Variants in CFAP20DC observed in about 807,000 individuals in gnomAD.
CFAP20DC encodes the protein protein CFAP20DC.
CFAP20DC carries 84 observed loss-of-function variants against 101.7 expected under a neutral mutation model. The ratio of observed to expected loss-of-function variants is 0.83; its 90% CI spans 0.69 to 0.99. The LOEUF (loss-of-function observed/expected upper bound fraction) is 0.99. Ranked by LOEUF, CFAP20DC falls within the 50% of genes least tolerant of loss-of-function variation. The pLI is 0.00. For missense variants in CFAP20DC, 1,007 were observed against 970.3 expected, an observed-to-expected ratio of 1.04 and a Z score of -0.50; for synonymous variants, 359 against 351.2, an observed-to-expected ratio of 1.02 and a Z score of -0.25.
chr3:58,927,966 C>T (rs1187136813), intron 5 of CFAP20DC, among the ~76,000 whole-genome samples: 1 of 152,162 alleles, frequency 6.6e-6, no homozygotes, highest in Non-Finnish European at 1.5e-5. Flanking sequence ...GTTTTCAAAC[C>T]AAATTTCTTA....
intron 7 of CFAP20DC, among the ~76,000 whole-genome samples, chr3:58,871,021 G>C (rs1345236069): frequency 6.7e-6 from 1 of 149,830 alleles, no homozygotes; most frequent in South Asian, 2.1e-4. Context: ...ATATTTAACT[G>C]AGTACTCTCT....
chr3:58,718,924 T>G (rs933149022), intron 3 of CFAP20DC, among the ~76,000 whole-genome samples: 1 of 152,082 alleles, frequency 6.6e-6, no homozygotes, highest in African/African-American at 2.4e-5. Flanking sequence ...AAGATGATAG[T>G]AAGGAAAGCC....
At chr3:58,866,352 G>A (rs1172775085) in intron 11 of CFAP20DC, among the ~76,000 whole-genome samples, 2 of 152,052 alleles carry the variant, frequency 1.3e-5, no homozygotes, top group Admixed American at 6.6e-5. Context: ...TTCTGAACAG[G>A]ATGACCAGTG....
chr3:58,762,651 G>T (rs2069758960), intron 15 of CFAP20DC, among the ~76,000 whole-genome samples: 1 of 152,198 alleles, frequency 6.6e-6, no homozygotes, highest in Non-Finnish European at 1.5e-5. Flanking sequence ...TTTACAATTT[G>T]TCATGTTTTT....
At chr3:58,905,504 T>C (rs2083503770) in intron 6 of CFAP20DC, among the ~76,000 whole-genome samples, 2 of 152,212 alleles carry the variant, frequency 1.3e-5, no homozygotes, top group African/African-American at 4.8e-5. Flanking sequence ...GTCATTCTTC[T>C]GGAAAAGTGA....
At chr3:58,750,628 C>A (rs2068501858) in intron 16 of CFAP20DC, among the ~76,000 whole-genome samples, 2 of 152,220 alleles carry the variant, frequency 1.3e-5, no homozygotes, top group South Asian at 4.1e-4. Flanking sequence ...GCCCTAATCC[C>A]AGCTAGGGCT....
intron 13 of CFAP20DC, among the ~76,000 whole-genome samples, chr3:58,834,833 T>C (rs2076629650): frequency 6.6e-6 from 1 of 152,218 alleles, no homozygotes; most frequent in Admixed American, 6.5e-5. Context: ...GTGTACTTTG[T>C]AATATATGTT....
At position 58,890,843 on chromosome 3, in the gene CFAP20DC, C is replaced by T. The variant is rs796664389; in HGVS notation, c.551-6134G>A. ...CAGACGATGGGCCGCCGGGCAGAGA[C>T]GCTCCTCACTTCCTAGATGTGATGG... is the stretch of plus-strand genomic sequence containing the variant. On this transcript the variant is annotated intron_variant, in intron 6 of 16. Coordinates refer to ENST00000482387, the MANE Select transcript of CFAP20DC (RefSeq NM_001394063.1). 2.1e-4 allele frequency among the ~76,000 whole-genome samples: 32 copies of T among 149,578 alleles called. No homozygotes were observed. The East Asian group carries it at 4.6e-3, about 22-fold the overall frequency.
At chr3:58,933,464 T>G (rs1403451815) in intron 5 of CFAP20DC, among the ~76,000 whole-genome samples, 2 of 152,194 alleles carry the variant, frequency 1.3e-5, no homozygotes, top group Non-Finnish European at 2.9e-5. Flanking sequence ...ATCAACAGAA[T>G]ACACATTCTT....
At chr3:58,942,363 A>G (rs1465409488) in intron 4 of CFAP20DC, among the ~76,000 whole-genome samples, 1 of 152,162 alleles carries the variant, frequency 6.6e-6, no homozygotes, top group Non-Finnish European at 1.5e-5. Context: ...TGCATTTCCA[A>G]CTGAGGTACC....
rs71091396 is a variant in CFAP20DC, at chr3:58,920,072, C to CTT, written c.394-6210_394-6209dup. 8.7e-3 allele frequency among the ~76,000 whole-genome samples: 409 copies of CTT among 46,806 alleles called. 49 individuals carry two copies. Among genetic ancestry groups the CTT allele is most frequent in the African/African-American group, 0.032 (372 of 11,774 alleles). The allele number at this position is 46,806 out of a possible 152,430, so 30.7% of individuals were successfully genotyped here. A position where few individuals can be genotyped will look rare whatever the true frequency, so the allele number is the denominator to read the frequency against. On this transcript the variant is annotated intron_variant, in intron 5 of 16. Transcript: ENST00000482387. ...AATACAAGTGGTTAGGGTGGATATT[C>CTT]TTTTTTTTTTTTTTTTTTTTTTTTT...
At chr3:58,769,765 A>G (rs1413109415) in intron 15 of CFAP20DC, among the ~76,000 whole-genome samples, 1 of 152,222 alleles carries the variant, frequency 6.6e-6, no homozygotes, top group Non-Finnish European at 1.5e-5. Flanking sequence ...TACCATAGCA[A>G]AAGGCGGGAA....
intron 4 of CFAP20DC, among the ~76,000 whole-genome samples, chr3:58,974,409 G>A (rs1418400454): frequency 1.3e-5 from 2 of 152,070 alleles, no homozygotes; most frequent in African/African-American, 4.8e-5. Context: ...GACCCCAGCT[G>A]CATCCATGTT....
At chr3:58,966,496 A>G (rs895161263) in intron 4 of CFAP20DC, among the ~76,000 whole-genome samples, 2 of 114,738 alleles carry the variant, frequency 1.7e-5, no homozygotes, top group African/African-American at 2.8e-5. Context: ...ATATACACAT[A>G]TGTGTGTGTG....
chr3:58,813,573 G>A (rs1181106164), intron 14 of CFAP20DC, among the ~76,000 whole-genome samples: 2 of 151,878 alleles, frequency 1.3e-5, no homozygotes, highest in Non-Finnish European at 2.9e-5. Context: ...TGTATATACA[G>A]AGCTCATACT....
intron 16 of CFAP20DC, among the ~76,000 whole-genome samples, chr3:58,751,788 G>C (rs544462834): frequency 9.9e-4 from 151 of 152,026 alleles, no homozygotes; most frequent in African/African-American, 3.4e-3. Flanking sequence ...CAGTAGTTGT[G>C]GGACCTTGGG....
chr3:58,905,316 CTCTT>C (rs1455058085), intron 6 of CFAP20DC, among the ~76,000 whole-genome samples: 2 of 152,098 alleles, frequency 1.3e-5, no homozygotes, highest in African/African-American at 4.8e-5. Flanking sequence ...TGTTTTTCTC[CTCTT>C]TCTCTTATCT....
In CFAP20DC at chr3:58,859,746, TAG is replaced by T. The variant is rs2079094472; in HGVS notation, c.1593+3810_1593+3811del. ...AAAATGCAAGGCAGTATATTCAAAA[TAG>T]AGTCTTTTCATTTTTTCCCAACACA... On this transcript the variant is annotated intron_variant, in intron 12 of 16. Coordinates refer to ENST00000482387, the MANE Select transcript of CFAP20DC (RefSeq NM_001394063.1). The surrounding 1 kb of genome is among the most constrained non-coding windows in gnomAD (Gnocchi z 4.1). Among the ~76,000 whole-genome samples the T allele has an allele frequency of 6.6e-6, 1 of 152,226 alleles. No individual in the cohort carries two copies. Among genetic ancestry groups the T allele is most frequent in the South Asian group, 2.1e-4 (1 of 4,830 alleles).
chr3:58,950,998 T>C (rs528323803), intron 4 of CFAP20DC, among the ~76,000 whole-genome samples: 14 of 152,262 alleles, frequency 9.2e-5, no homozygotes, highest in African/African-American at 3.4e-4. Context: ...AGAAAATTTT[T>C]GCAATCTACT....
Sources: allele counts gnomAD v4.1 joint callset (sites outside exome capture counted in the v4.1 genomes callset), GRCh38; gene constraint gnomAD v4.1.1; non-coding constraint Gnocchi (gnomAD v3.1); transcripts MANE v1.5; gene names NCBI Gene and HGNC (gene_info 2026-07-23, HGNC 2026-07-21).